Variants in PATJ observed in about 807,000 individuals in gnomAD.
The protein encoded by PATJ is PATJ crumbs cell polarity complex component, also known as inaD-like protein.
Under a neutral mutation model 224.9 loss-of-function variants are expected in PATJ, and 190 were observed. That is an observed-to-expected ratio of 0.84 (90% CI 0.75 to 0.95). The LOEUF is 0.95. Ranked by LOEUF, PATJ falls within the 40% of genes least tolerant of loss-of-function variation. PATJ has a pLI of 0.00. For synonymous variants in PATJ, 769 were observed against 820.3 expected, an observed-to-expected ratio of 0.94 and a Z score of 1.07; for missense variants, 2,121 against 2,270.3, an observed-to-expected ratio of 0.93 and a Z score of 1.34.
intron 33 of PATJ, among the ~76,000 whole-genome samples, chr1:62,093,242 G>C (rs1360517971): frequency 6.6e-6 from 1 of 152,128 alleles, no homozygotes; most frequent in African/African-American, 2.4e-5. Context: ...TTGAAATAAA[G>C]AATACCTGTT....
intron 3 of PATJ, among the ~76,000 whole-genome samples, chr1:61,763,422 C>G (rs1646076244): frequency 6.6e-6 from 1 of 151,694 alleles, no homozygotes; most frequent in African/African-American, 2.4e-5. Flanking sequence ...GTCCCAGCAA[C>G]TCAGGAGTCT....
At chr1:61,767,427 T>C (rs1278573948) in intron 4 of PATJ, among the ~76,000 whole-genome samples, 1 of 152,012 alleles carries the variant, frequency 6.6e-6, no homozygotes, top group African/African-American at 2.4e-5. Flanking sequence ...TAGCTCCAGG[T>C]ACCTAGGAGG....
At chr1:62,153,041 A>G (rs200314165) in intron 42 of PATJ, among the ~76,000 whole-genome samples, 1 of 141,390 alleles carries the variant, frequency 7.1e-6, no homozygotes, top group Non-Finnish European at 1.5e-5. Context: ...CAAAAAAAGA[A>G]AAAAAAAAGA....
intron 29 of PATJ, among the ~76,000 whole-genome samples, chr1:62,034,120 G>A (rs1649872274): frequency 1.3e-5 from 2 of 152,034 alleles, no homozygotes; most frequent in Non-Finnish European, 2.9e-5. Context: ...GAGGCACTGG[G>A]GCCTAAGAAA....
intron 22 of PATJ, among the ~76,000 whole-genome samples, chr1:61,893,542 CA>C (rs1230360456): frequency 6.7e-6 from 1 of 149,832 alleles, no homozygotes; most frequent in African/African-American, 2.5e-5. Context: ...GGCTCATGCC[CA>C]TGATCCCAAC....
chr1:61,784,172 ATC>A (rs1234539232), intron 7 of PATJ, among the ~76,000 whole-genome samples: 2 of 152,188 alleles, frequency 1.3e-5, no homozygotes, highest in Admixed American at 6.5e-5. Context: ...TTTTGAAAGA[ATC>A]TATGGATTAA....
chr1:61,857,106 T>A (rs1355896459), intron 18 of PATJ, among the ~76,000 whole-genome samples: 1 of 152,156 alleles, frequency 6.6e-6, no homozygotes, highest in Non-Finnish European at 1.5e-5. Flanking sequence ...CTTGTTGCTT[T>A]ATCTAATGGT....
At chr1:62,070,989 G>C (rs1010081432) in intron 31 of PATJ, among the ~76,000 whole-genome samples, 1 of 152,138 alleles carries the variant, frequency 6.6e-6, no homozygotes, top group Non-Finnish European at 1.5e-5. Context: ...GTTATACATC[G>C]AATGGGAGCC....
At chr1:61,911,763 A>G (rs1672692246) in intron 25 of PATJ, among the ~76,000 whole-genome samples, 1 of 147,626 alleles carries the variant, frequency 6.8e-6, no homozygotes, top group South Asian at 2.1e-4. Context: ...TCAGGGAGGC[A>G]AAGTGTTTTG....
chr1:61,897,822 T>C (rs1032901939), intron 22 of PATJ, among the ~76,000 whole-genome samples: 6 of 149,716 alleles, frequency 4.0e-5, no homozygotes, highest in Non-Finnish European at 8.9e-5. Context: ...AAAAAGACGT[T>C]AGAAAGTAAC....
intron 27 of PATJ, among the ~76,000 whole-genome samples, chr1:61,976,479 T>C (rs768572786): frequency 3.3e-5 from 5 of 152,082 alleles, no homozygotes; most frequent in Non-Finnish European, 7.3e-5. Context: ...CAATCTCGGC[T>C]CACTGCAACC....
intron 27 of PATJ, among the ~76,000 whole-genome samples, chr1:61,940,442 C>T (rs962457847): frequency 1.3e-5 from 2 of 152,116 alleles, no homozygotes; most frequent in South Asian, 2.1e-4. Context: ...TCTAGCCGGG[C>T]GCAGTGGTTC....
intron 29 of PATJ, among the ~76,000 whole-genome samples, chr1:62,023,113 A>C (rs1647180700): frequency 6.6e-6 from 1 of 152,136 alleles, no homozygotes; most frequent in Non-Finnish European, 1.5e-5. Context: ...AACATGGTGA[A>C]ACCCTGTCTC....
At chr1:61,771,081 G>A (rs1251235487) in intron 5 of PATJ, among the ~76,000 whole-genome samples, 1 of 152,140 alleles carries the variant, frequency 6.6e-6, no homozygotes, top group Non-Finnish European at 1.5e-5. Flanking sequence ...TATGGGTAGA[G>A]ATCAGATTGG....
intron 33 of PATJ, among the ~76,000 whole-genome samples, chr1:62,106,063 A>ATAT (rs1553268231): frequency 0.023 from 916 of 39,576 alleles, 60 homozygotes; most frequent in South Asian, 0.058. Context: ...AAAAAAAAAA[A>ATAT]ATATATATAT....
chr1:61,978,452 A>AG lies in PATJ; in HGVS notation c.3671-11711dup, dbSNP rs553480314. On this transcript the variant is annotated intron_variant, in intron 27 of 43. Coordinates refer to ENST00000642238, the MANE Select transcript of PATJ (RefSeq NM_001350145.3). ...AGCTAATTTTGTATTTTTAGTAGAG[A>AG]GGGGGTTGCTCCGTGTTGGTCAGGC... is the stretch of plus-strand genomic sequence containing the variant. Among the ~76,000 whole-genome samples the AG allele has an allele frequency of 4.6e-5, 7 of 151,922 alleles. No individual in the cohort carries two copies. In the South Asian group the frequency reaches 1.0e-3, roughly 23 times the overall value.
At chr1:62,109,370 A>G (rs1413033694) in intron 34 of PATJ, among the ~76,000 whole-genome samples, 2 of 152,224 alleles carry the variant, frequency 1.3e-5, no homozygotes, top group African/African-American at 4.8e-5. Flanking sequence ...AGATGAAACC[A>G]GAGATATAAT....
intron 15 of PATJ, among the ~76,000 whole-genome samples, chr1:61,826,513 G>C (rs1481335286): frequency 6.6e-6 from 1 of 152,180 alleles, no homozygotes; most frequent in East Asian, 1.9e-4. Flanking sequence ...TTTGGGAGTA[G>C]CAGACAGATC....
chr1:61,766,470 T>A lies in PATJ; in HGVS notation c.381T>A (p.Ala127=). 2 of 1,587,758 alleles carry A rather than the reference T, an allele frequency of 1.3e-6. No individual in the cohort carries two copies. The highest frequency in any genetic ancestry group is 1.7e-6 in the Non-Finnish European group (2 of 1,170,134). ...EDFNSVIQQM[A]QGRQIEYIDI... is the part of the protein sequence containing the mutation. ...TTAACTCAGTCATTCAACAGATGGC[T>A]CAGGTAAAGTTGTATCTTCTCATGG... Residue 127 remains alanine (A), a synonymous_variant, in exon 4 of 44, where the codon GCT becomes GCA. Coordinates refer to ENST00000642238, the MANE Select transcript of PATJ (RefSeq NM_001350145.3).
Sources: allele counts gnomAD v4.1 joint callset (sites outside exome capture counted in the v4.1 genomes callset), GRCh38; gene constraint gnomAD v4.1.1; transcripts MANE v1.5; gene names NCBI Gene and HGNC (gene_info 2026-07-23, HGNC 2026-07-21).